The following BCAS3 variants were observed in gnomAD, a reference collection of about 807,000 sequenced individuals.
BCAS3 encodes the protein BCAS4/BCAS3 fusion.
BCAS3 carries 53 observed loss-of-function variants against 116.1 expected under a neutral mutation model. The observed-to-expected ratio is 0.46, with a 90% confidence interval of 0.37 to 0.57. BCAS3 has a LOEUF of 0.57. Ranked by LOEUF, BCAS3 falls within the 20% of genes least tolerant of loss-of-function variation. BCAS3 has a pLI of 0.00. For synonymous variants in BCAS3, 391 were observed against 408.2 expected, an observed-to-expected ratio of 0.96 and a Z score of 0.51; for missense variants, 917 against 1,165.4, an observed-to-expected ratio of 0.79 and a Z score of 3.10.
chr17:61,123,687 G>A (rs1462254657), intron 22 of BCAS3, among the ~76,000 whole-genome samples: 1 of 151,784 alleles, frequency 6.6e-6, no homozygotes, highest in Admixed American at 6.6e-5. Context: ...TCTACTTGTA[G>A]TGCCTCTGTA....
intron 19 of BCAS3, among the ~76,000 whole-genome samples, chr17:61,071,699 A>G (rs2071444684): frequency 6.6e-6 from 1 of 152,212 alleles, no homozygotes; most frequent in African/African-American, 2.4e-5. Context: ...ATATAATAGG[A>G]AGACCAACAG....
rs776497375 is a variant in BCAS3 at position 61,278,780 on chromosome 17, G to A, written c.2426-89547G>A. 6.0e-4 allele frequency among the ~76,000 whole-genome samples: 91 copies of A among 152,150 alleles called. No homozygotes were observed. The highest frequency in any genetic ancestry group is 9.7e-4 in the Non-Finnish European group (66 of 68,040). On this transcript the variant is annotated intron_variant, in intron 22 of 23. Transcript: ENST00000407086. The surrounding 1 kb of genome is among the most constrained non-coding windows in gnomAD (Gnocchi z 5.8). ...TGTCCAGAATAGGAAAATCTATAGA[G>A]ACAGAAAGTAGATTAGTAGTGGTTT...
At chr17:61,212,931 A>G (rs1354436449) in intron 22 of BCAS3, among the ~76,000 whole-genome samples, 1 of 152,126 alleles carries the variant, frequency 6.6e-6, no homozygotes, top group East Asian at 1.9e-4. Context: ...CTTCCTTTCA[A>G]AAGCCTTTGC....
At chr17:61,014,834 A>G (rs1164121845) in intron 15 of BCAS3, among the ~76,000 whole-genome samples, 1 of 152,218 alleles carries the variant, frequency 6.6e-6, no homozygotes, top group South Asian at 2.1e-4. Context: ...ATTTCTATAC[A>G]TTAACAATGA....
At chr17:60,999,558 A>G (rs1319018728) in intron 15 of BCAS3, among the ~76,000 whole-genome samples, 2 of 149,972 alleles carry the variant, frequency 1.3e-5, no homozygotes, top group African/African-American at 5.1e-5. Context: ...AAAAAAAAAA[A>G]AAAAAAGAAA....
intron 6 of BCAS3, among the ~76,000 whole-genome samples, chr17:60,762,220 A>C (rs532057288): frequency 1.7e-4 from 26 of 152,180 alleles, no homozygotes; most frequent in Admixed American, 1.4e-3. Context: ...CCCATTAGTC[A>C]ATTTTGGCTT....
intron 16 of BCAS3, among the ~76,000 whole-genome samples, chr17:61,030,607 C>T (rs1470529256): frequency 6.6e-6 from 1 of 151,958 alleles, no homozygotes; most frequent in Non-Finnish European, 1.5e-5. Flanking sequence ...TAAGCGTTTC[C>T]TCAGAAGAAA....
At chr17:60,777,587 G>C (rs7208542) in intron 6 of BCAS3, among the ~76,000 whole-genome samples, 41,972 of 151,876 alleles carry the variant, frequency 0.28, 11,458 homozygotes, top group African/African-American at 0.72. Flanking sequence ...GATCATGCCA[G>C]TGCACTCCAG....
chr17:60,833,106 A>G (rs1381530959), intron 7 of BCAS3, among the ~76,000 whole-genome samples: 1 of 152,106 alleles, frequency 6.6e-6, no homozygotes, highest in African/African-American at 2.4e-5. Flanking sequence ...AGCTCAAGCG[A>G]TCCTCCCACC....
chr17:61,047,021 G>A (rs1024961534), intron 19 of BCAS3, among the ~76,000 whole-genome samples: 1 of 151,860 alleles, frequency 6.6e-6, no homozygotes, highest in South Asian at 2.1e-4. Context: ...GTGGCAAAAA[G>A]GGTGGCTTGT....
In BCAS3 at chr17:61,037,968, G is replaced by A. The variant is rs966114710; in HGVS notation, c.1842G>A (p.Pro614=). ...CCTTAGTGGAACACATGATGGAGCC[G>A]CGACCCCTCAGCACTGCACCCAAGA... The part of the protein sequence containing the change: ...YGTLVEHMME[P]RPLSTAPKIS... The change falls in exon 18 of 24, where the codon CCG becomes CCA. Residue 614 remains proline, a synonymous_variant. Coordinates refer to ENST00000407086, the MANE Select transcript of BCAS3 (RefSeq NM_017679.5). The surrounding 1 kb of genome is among the most constrained non-coding windows in gnomAD (Gnocchi z 4.7). 12 of 1,613,898 alleles carry A rather than the reference G, an allele frequency of 7.4e-6. No homozygotes were observed. Among genetic ancestry groups the A allele is most frequent in the African/African-American group, 4.0e-5 (3 of 74,910 alleles).
At chr17:60,947,529 A>T (rs887929907) in intron 14 of BCAS3, among the ~76,000 whole-genome samples, 177 bp downstream of exon 14, 2 of 152,226 alleles carry the variant, frequency 1.3e-5, no homozygotes, top group African/African-American at 2.4e-5. Flanking sequence ...TAAATACATA[A>T]GCACTAGATG....
At chr17:60,919,672 G>C (rs1368716058) in intron 12 of BCAS3, among the ~76,000 whole-genome samples, 1 of 150,162 alleles carries the variant, frequency 6.7e-6, no homozygotes, top group South Asian at 2.1e-4. Flanking sequence ...TTTTTCCTGT[G>C]TGTTTTTTTT....
chr17:61,191,688 T>C (rs1162159322), intron 22 of BCAS3, among the ~76,000 whole-genome samples: 1 of 151,228 alleles, frequency 6.6e-6, no homozygotes, highest in Non-Finnish European at 1.5e-5. Context: ...GGCAGGAGAA[T>C]GGCGTGAACC....
chr17:61,084,280 A>G lies in BCAS3; in HGVS notation c.2328-187A>G, dbSNP rs1194326004. On this transcript the variant is annotated intron_variant, in intron 21 of 23. Coordinates refer to ENST00000407086, the MANE Select transcript of BCAS3 (RefSeq NM_017679.5). This position sits in a 1 kb window ranked among gnomAD's most constrained non-coding sequence, Gnocchi z 5.5. ...AAGTTAGAAGGGGTCCAGAGTGTAGAGAATATTTGTAGTGTTTTATCCTTG... is the reference window on the plus strand; with the variant it reads ...AAGTTAGAAGGGGTCCAGAGTGTAGGGAATATTTGTAGTGTTTTATCCTTG... Among the ~76,000 whole-genome samples the G allele has an allele frequency of 2.0e-5, 3 of 152,152 alleles. No homozygotes were observed.
intron 10 of BCAS3, among the ~76,000 whole-genome samples, chr17:60,891,360 C>G (rs774807154): frequency 6.6e-6 from 1 of 152,126 alleles, no homozygotes; most frequent in Non-Finnish European, 1.5e-5. Context: ...TGAATATGCA[C>G]CAGTTGTTTT....
rs111495920 is a variant in BCAS3, at chr17:60,946,639, G to A, written c.1088-580G>A. On this transcript the variant is annotated intron_variant, in intron 13 of 23. Coordinates refer to ENST00000407086, the MANE Select transcript of BCAS3 (RefSeq NM_017679.5). ...TGAAAAATGATTGTGGCTGGGCACG[G>A]TGGCTCATGCCTGTAATCTCAGAGC... Among the ~76,000 whole-genome samples the A allele has an allele frequency of 4.1e-3, 617 of 152,282 alleles. 3 individuals carry two copies. The highest frequency in any genetic ancestry group is 0.014 in the African/African-American group (589 of 41,570).
intron 6 of BCAS3, among the ~76,000 whole-genome samples, chr17:60,770,939 C>A (rs1257339633): frequency 2.0e-5 from 3 of 149,570 alleles, no homozygotes; most frequent in Non-Finnish European, 4.4e-5. Flanking sequence ...CCTCAGCCTC[C>A]CAAGTAGCTG....
chr17:60,715,126 CTCTTTCTTTTT>C (rs201983714), intron 5 of BCAS3, among the ~76,000 whole-genome samples: 4,525 of 149,424 alleles, frequency 0.03, 198 homozygotes, highest in African/African-American at 0.1. Context: ...TGTACTCTTT[CTCTTTCTTTTT>C]TTTTTTTTTT....
Sources: gnomAD v4.1 joint callset for allele counts (sites outside exome capture counted in the v4.1 genomes callset) on GRCh38, gnomAD v4.1.1 for gene constraint, Gnocchi (gnomAD v3.1) non-coding constraint, MANE v1.5 for transcripts, NCBI Gene and HGNC (gene_info 2026-07-23, HGNC 2026-07-21) for gene names.